Variants in DCLK1 observed in about 807,000 individuals in gnomAD.
The protein encoded by DCLK1 is serine/threonine-protein kinase DCLK1.
Under a neutral mutation model 86.2 loss-of-function variants are expected in DCLK1, and 16 were observed. The observed-to-expected ratio is 0.19, with a 90% CI of 0.13 to 0.28. DCLK1 has a LOEUF of 0.28. Among genes scored for constraint, DCLK1 ranks in the 10% least tolerant of loss-of-function variants. DCLK1 has a pLI of 1.00. For synonymous variants in DCLK1, 369 were observed against 370.5 expected, an observed-to-expected ratio of 1.00 and a Z score of 0.05; for missense variants, 590 against 940.2, an observed-to-expected ratio of 0.63 and a Z score of 4.87.
chr13:35,885,221 T>G (rs1873155667), intron 4 of DCLK1, among the ~76,000 whole-genome samples: 1 of 152,052 alleles, frequency 6.6e-6, no homozygotes, highest in Admixed American at 6.6e-5. Context: ...GAATCCACTT[T>G]GGGTAAATGA....
At chr13:35,885,014 G>A (rs985647696) in intron 4 of DCLK1, among the ~76,000 whole-genome samples, 7 of 152,116 alleles carry the variant, frequency 4.6e-5, no homozygotes, top group East Asian at 1.9e-4. Context: ...CCAGGTCAGC[G>A]AAAACAGGAC....
chr13:35,988,760 C>T (rs1032596922), intron 3 of DCLK1, among the ~76,000 whole-genome samples: 2 of 152,128 alleles, frequency 1.3e-5, no homozygotes, highest in Admixed American at 6.5e-5. Context: ...ATGGAGATGA[C>T]GAAGGAAAGT....
intron 3 of DCLK1, among the ~76,000 whole-genome samples, chr13:36,091,887 C>A (rs1884839393): frequency 6.6e-6 from 1 of 152,288 alleles, no homozygotes; most frequent in South Asian, 2.1e-4. Flanking sequence ...GCCCTGAGCA[C>A]AACCCCTCCC....
intron 2 of DCLK1, among the ~76,000 whole-genome samples, chr13:36,122,585 C>T (rs189157677): frequency 3.9e-5 from 6 of 152,294 alleles, no homozygotes; most frequent in Non-Finnish European, 5.9e-5. Context: ...ATCATCACAA[C>T]ATTTACCTAC....
At chr13:35,909,563 T>C (rs1482999053) in intron 4 of DCLK1, among the ~76,000 whole-genome samples, 1 of 149,638 alleles carries the variant, frequency 6.7e-6, no homozygotes, top group Admixed American at 6.7e-5. Flanking sequence ...CTGTAAACCC[T>C]CAATAAACTC....
intron 4 of DCLK1, among the ~76,000 whole-genome samples, chr13:35,924,875 T>C (rs1255643384): frequency 2.0e-5 from 3 of 152,192 alleles, no homozygotes; most frequent in Non-Finnish European, 4.4e-5. Flanking sequence ...TTTATAAGAA[T>C]ACAGCTACCT....
At chr13:35,946,264 A>G (rs1214631218) in intron 4 of DCLK1, among the ~76,000 whole-genome samples, 6 of 152,192 alleles carry the variant, frequency 3.9e-5, no homozygotes, top group Admixed American at 2.0e-4. Flanking sequence ...TTGGCCTCCC[A>G]AAGTGCTGGG....
At chr13:36,119,426 G>T (rs2138205841) in intron 2 of DCLK1, among the ~76,000 whole-genome samples, 1 of 152,224 alleles carries the variant, frequency 6.6e-6, no homozygotes, top group Non-Finnish European at 1.5e-5. Context: ...CAAAATTCAT[G>T]GGCAAAAGCT....
At chr13:35,850,113 A>ATTTTTC in intron 6 of DCLK1, 1 of 985,146 alleles carries the variant, frequency 1.0e-6, no homozygotes. Flanking sequence ...CGTTGTCATA[A>ATTTTTC]TTTTTCTTTT....
intron 16 of DCLK1, among the ~76,000 whole-genome samples, chr13:35,789,742 G>GAC (rs2086679784): frequency 6.6e-6 from 1 of 152,172 alleles, no homozygotes; most frequent in Non-Finnish European, 1.5e-5. Flanking sequence ...TTAGTCATCG[G>GAC]TTCTTCATCA....
intron 3 of DCLK1, among the ~76,000 whole-genome samples, chr13:35,947,781 G>T (rs1261952334): frequency 6.6e-6 from 1 of 152,170 alleles, no homozygotes; most frequent in Non-Finnish European, 1.5e-5. Context: ...TCTTCGGAAT[G>T]TAATACTCTT....
intron 15 of DCLK1, among the ~76,000 whole-genome samples, chr13:35,797,574 C>A (rs2086837425): frequency 6.6e-6 from 1 of 152,098 alleles, no homozygotes; most frequent in Non-Finnish European, 1.5e-5. Context: ...GTCAGAGAGG[C>A]TTTTGACTTC....
intron 3 of DCLK1, among the ~76,000 whole-genome samples, chr13:36,084,297 G>C (rs930618144): frequency 1.3e-5 from 2 of 152,154 alleles, no homozygotes; most frequent in Admixed American, 6.6e-5. Flanking sequence ...GACAGTTCAT[G>C]ATTCTTGGTT....
At chr13:35,981,163 T>C (rs1879618611) in intron 3 of DCLK1, among the ~76,000 whole-genome samples, 1 of 152,050 alleles carries the variant, frequency 6.6e-6, no homozygotes, top group South Asian at 2.1e-4. Flanking sequence ...GCAGCCCAGT[T>C]CTTAACCAGG....
intron 2 of DCLK1, among the ~76,000 whole-genome samples, chr13:36,122,393 A>G (rs571384481): frequency 6.6e-6 from 1 of 152,348 alleles, no homozygotes; most frequent in East Asian, 1.9e-4. Flanking sequence ...ACTTGTATCC[A>G]GAAGATTACA....
At chr13:35,979,097 A>G (rs914776531) in intron 3 of DCLK1, among the ~76,000 whole-genome samples, 5 of 152,138 alleles carry the variant, frequency 3.3e-5, no homozygotes, top group African/African-American at 1.2e-4. Flanking sequence ...CCAGTACCCA[A>G]TCTCACATAC....
intron 4 of DCLK1, among the ~76,000 whole-genome samples, chr13:35,882,635 T>C (rs1872983835): frequency 6.6e-6 from 1 of 152,234 alleles, no homozygotes. Flanking sequence ...GTTTCTTAAC[T>C]GCACTAAGTA....
chr13:35,934,685 G>T (rs950389935), intron 4 of DCLK1, among the ~76,000 whole-genome samples: 4 of 152,126 alleles, frequency 2.6e-5, no homozygotes, highest in Non-Finnish European at 5.9e-5. Flanking sequence ...ATGAGATTTG[G>T]GTGGGGACAC....
chr13:35,944,527 T>C (rs1877261035), intron 4 of DCLK1, among the ~76,000 whole-genome samples: 1 of 152,242 alleles, frequency 6.6e-6, no homozygotes. Context: ...TAGAACATGC[T>C]GTACAAGCAA....
Sources: gnomAD v4.1 joint callset for allele counts (sites outside exome capture counted in the v4.1 genomes callset) on GRCh38, gnomAD v4.1.1 for gene constraint, MANE v1.5 for transcripts, NCBI Gene and HGNC (gene_info 2026-07-23, HGNC 2026-07-21) for gene names.